Variants in ST7 observed in about 807,000 individuals in gnomAD.
ST7 encodes the protein suppression of tumorigenicity 7.
ST7 carries 28 observed loss-of-function variants against 78.7 expected under a neutral mutation model. The ratio of observed to expected loss-of-function variants is 0.36; its 90% CI spans 0.26 to 0.49. The LOEUF (loss-of-function observed/expected upper bound fraction) is 0.49, where lower values mean the gene tolerates loss of function less well. ST7 is among the 20% of genes least tolerant of loss of function. The pLI, the probability that ST7 is intolerant of heterozygous loss-of-function variation, is 0.99. For missense variants in ST7, 418 were observed against 696.0 expected, an observed-to-expected ratio of 0.60 and a Z score of 4.49; for synonymous variants, 247 against 249.6, an observed-to-expected ratio of 0.99 and a Z score of 0.10.
At chr7:116,996,676 C>A (rs1036570071) in intron 1 of ST7, among the ~76,000 whole-genome samples, 9 of 152,096 alleles carry the variant, frequency 5.9e-5, no homozygotes, top group Non-Finnish European at 1.3e-4. Context: ...AGAAAGTTAC[C>A]TAGTCTGATT....
rs111902613 is a variant in ST7 at position 117,116,782 on chromosome 7, A to C, written c.235-2779A>C. ...CAGCTGCATGAATAACCCAGTCTTT[A>C]CTGAGGTCTATTATTACTGCATTAG... On this transcript the variant is annotated intron_variant, in intron 2 of 15. Transcript: ENST00000323984. 2.8e-3 allele frequency among the ~76,000 whole-genome samples: 421 copies of C among 152,302 alleles called. 1 individual carries two copies. The highest frequency in any genetic ancestry group is 9.3e-3 in the African/African-American group (388 of 41,552).
chr7:117,170,079 G>A (rs193561), intron 9 of ST7, among the ~76,000 whole-genome samples: 19,213 of 152,016 alleles, frequency 0.13, 2,287 homozygotes, highest in African/African-American at 0.31. Flanking sequence ...TGCTTGAAAG[G>A]GTAATGCCCC....
At chr7:117,100,658 T>C (rs557310827) in intron 2 of ST7, among the ~76,000 whole-genome samples, 4 of 151,840 alleles carry the variant, frequency 2.6e-5, no homozygotes, top group African/African-American at 4.8e-5. Flanking sequence ...TTAAAAAAAA[T>C]CCCTAAAATG....
intron 9 of ST7, among the ~76,000 whole-genome samples, chr7:117,150,921 A>G (rs1168724282): frequency 6.6e-6 from 1 of 152,104 alleles, no homozygotes; most frequent in Non-Finnish European, 1.5e-5. Flanking sequence ...CACGTGAAAA[A>G]CCTAGGAGTT....
chr7:117,087,533 G>C (rs549728880), intron 1 of ST7, among the ~76,000 whole-genome samples: 27 of 152,234 alleles, frequency 1.8e-4, no homozygotes, highest in African/African-American at 6.3e-4. Context: ...CTTCATAGAA[G>C]GGCTGATTGT....
chr7:117,063,328 C>T (rs1798451424), intron 1 of ST7, among the ~76,000 whole-genome samples: 3 of 152,182 alleles, frequency 2.0e-5, no homozygotes, highest in Admixed American at 2.0e-4. Context: ...TAAATGTTTT[C>T]ACAATGATAA....
chr7:117,084,663 C>G (rs945750211), intron 1 of ST7, among the ~76,000 whole-genome samples: 4 of 152,122 alleles, frequency 2.6e-5, no homozygotes, highest in African/African-American at 9.7e-5. Context: ...TACTAAGACA[C>G]CATGTAAAGC....
chr7:117,177,141 C>T (rs926440173), intron 10 of ST7, among the ~76,000 whole-genome samples: 5 of 152,154 alleles, frequency 3.3e-5, no homozygotes, highest in Admixed American at 2.0e-4. Context: ...ACTGGATGCT[C>T]TACAGATTTG....
chr7:117,144,590 G>A (rs1805592427), intron 9 of ST7, among the ~76,000 whole-genome samples: 1 of 148,052 alleles, frequency 6.8e-6, no homozygotes, highest in Admixed American at 6.8e-5. Flanking sequence ...CTGTAATCAG[G>A]CCACTGCACT....
At chr7:117,106,321 T>C (rs1801960188) in intron 2 of ST7, among the ~76,000 whole-genome samples, 1 of 152,164 alleles carries the variant, frequency 6.6e-6, no homozygotes, top group Non-Finnish European at 1.5e-5. Flanking sequence ...TCTAAGCTCA[T>C]GTGGTTAGTT....
At chr7:117,017,494 T>C (rs1464781761) in intron 1 of ST7, among the ~76,000 whole-genome samples, 1 of 152,146 alleles carries the variant, frequency 6.6e-6, no homozygotes, top group African/African-American at 2.4e-5. Context: ...TTTCCTTCCT[T>C]TCGTTGCTAA....
At chr7:117,136,730 G>A (rs1209401074) in intron 8 of ST7, 1 of 156,718 alleles carries the variant, frequency 6.4e-6, no homozygotes, top group Non-Finnish European at 1.4e-5. Flanking sequence ...TTGGCTTCCA[G>A]AGAGAAAGAG....
At chr7:117,097,292 A>G (rs1801119950) in intron 1 of ST7, among the ~76,000 whole-genome samples, 1 of 151,216 alleles carries the variant, frequency 6.6e-6, no homozygotes, top group South Asian at 2.1e-4. Flanking sequence ...ATGAATGTTT[A>G]TAATTACAGA....
At chr7:116,973,437 TG>T (rs1245095624) in intron 1 of ST7, among the ~76,000 whole-genome samples, 1 of 152,166 alleles carries the variant, frequency 6.6e-6, no homozygotes, top group Non-Finnish European at 1.5e-5. Flanking sequence ...TTTAACTTTT[TG>T]TAAAGATGGG....
At chr7:116,983,400 A>G (rs926337315) in intron 1 of ST7, among the ~76,000 whole-genome samples, 2 of 152,046 alleles carry the variant, frequency 1.3e-5, no homozygotes, top group East Asian at 3.9e-4. Flanking sequence ...GTATCTCTTA[A>G]TATCCCCCCT....
intron 1 of ST7, among the ~76,000 whole-genome samples, chr7:117,023,802 G>A (rs1462326158): frequency 6.6e-6 from 1 of 151,914 alleles, no homozygotes; most frequent in East Asian, 1.9e-4. Flanking sequence ...TATCGTGTGT[G>A]TGCGTGTGTG....
Position 117,211,526 on chromosome 7 carries a change from A to G in ST7, c.1405+1589A>G, listed in dbSNP as rs75205572. Among the ~76,000 whole-genome samples the G allele has an allele frequency of 9.7e-3, 1,477 of 152,314 alleles. 26 individuals are homozygous for G. The highest frequency in any genetic ancestry group is 0.034 in the African/African-American group (1,408 of 41,578). On this transcript the variant is annotated intron_variant, in intron 13 of 15. Transcript: ENST00000323984. ...TCAGTTGTGGAGAAATTAAATGGAC[A>G]AGTTGGCTTACCAAATTTTTGTAGA...
intron 1 of ST7, among the ~76,000 whole-genome samples, chr7:116,960,389 A>T (rs1028792432): frequency 6.6e-6 from 1 of 152,046 alleles, no homozygotes; most frequent in African/African-American, 2.4e-5. Flanking sequence ...AGAGTTCGCC[A>T]TCTTGTCCAG....
intron 1 of ST7, among the ~76,000 whole-genome samples, chr7:117,047,127 T>C (rs1053598095): frequency 2.0e-5 from 3 of 152,234 alleles, no homozygotes; most frequent in Admixed American, 2.0e-4. Context: ...AATACTAAAC[T>C]AAGGACATCG....
Sources: allele counts gnomAD v4.1 joint callset (sites outside exome capture counted in the v4.1 genomes callset), GRCh38; gene constraint gnomAD v4.1.1; transcripts MANE v1.5; gene names NCBI Gene and HGNC (gene_info 2026-07-23, HGNC 2026-07-21).